Variants in AGMO observed in about 807,000 individuals in gnomAD.
AGMO encodes alkylglycerol monooxygenase, also known as glyceryl-ether monooxygenase.
Under a neutral mutation model 60.2 loss-of-function variants are expected in AGMO, and 75 were observed. The ratio of observed to expected loss-of-function variants is 1.25; its 90% CI spans 1.03 to 1.51. The LOEUF is 1.51. Among genes scored for constraint, AGMO ranks in the 40% most tolerant of loss-of-function variants. The pLI, the probability that AGMO is intolerant of heterozygous loss-of-function variation, is 0.00. For synonymous variants in AGMO, 261 were observed against 177.1 expected (o/e 1.47, Z -3.76); for missense variants, 763 against 525.5 (o/e 1.45, Z -4.42).
chr7:15,280,427 A>G (rs1192395926), intron 12 of AGMO, among the ~76,000 whole-genome samples: 1 of 152,194 alleles, frequency 6.6e-6, no homozygotes, highest in African/African-American at 2.4e-5. Context: ...CTCACACCAC[A>G]GGGGCCACAG....
At chr7:15,274,973 T>G (rs924473883) in intron 12 of AGMO, among the ~76,000 whole-genome samples, 2 of 152,026 alleles carry the variant, frequency 1.3e-5, no homozygotes, top group African/African-American at 4.8e-5. Context: ...TATCGATTTT[T>G]TTTTATCCTT....
chr7:15,150,675 T>C, the AGMO span, among the ~76,000 whole-genome samples: 1 of 152,166 alleles, frequency 6.6e-6, no homozygotes, highest in Non-Finnish European at 1.5e-5. Flanking sequence ...GTGAATTAGC[T>C]TTTTAATGTA....
intron 4 of AGMO, among the ~76,000 whole-genome samples, chr7:15,429,042 G>T (rs1057307258): frequency 6.6e-6 from 1 of 152,042 alleles, no homozygotes; most frequent in African/African-American, 2.4e-5. Flanking sequence ...CTGCTCTGAA[G>T]CCTTAATCCA....
the AGMO span, among the ~76,000 whole-genome samples, chr7:15,125,567 T>C: frequency 6.6e-6 from 1 of 152,144 alleles, no homozygotes; most frequent in Non-Finnish European, 1.5e-5. Context: ...TCTCTATTTT[T>C]TTAAACACTC....
intron 12 of AGMO, among the ~76,000 whole-genome samples, chr7:15,240,590 A>T (rs1782560000): frequency 1.3e-5 from 2 of 152,322 alleles, no homozygotes; most frequent in South Asian, 4.1e-4. Flanking sequence ...AAGGTTAAAA[A>T]GCAAAATCAA....
chr7:15,479,003 A>C (rs973348482), intron 3 of AGMO, among the ~76,000 whole-genome samples: 5 of 152,180 alleles, frequency 3.3e-5, no homozygotes, highest in African/African-American at 9.7e-5. Flanking sequence ...TAAACGAGCT[A>C]ATAAACATTG....
At chr7:15,455,221 G>C (rs976009120) in intron 3 of AGMO, among the ~76,000 whole-genome samples, 2 of 151,932 alleles carry the variant, frequency 1.3e-5, no homozygotes, top group African/African-American at 4.8e-5. Context: ...GCACTGCTGA[G>C]CTATGCAGCA....
At position 15,225,159 on chromosome 7, in the gene AGMO, G is replaced by C. The variant is rs560121385; in HGVS notation, c.1264-23800C>G. Among the ~76,000 whole-genome samples the C allele has an allele frequency of 3.4e-4, 52 of 151,420 alleles. 2 individuals carry two copies. The South Asian group carries it at 0.01, about 30-fold the overall frequency. On this transcript the variant is annotated intron_variant, in intron 12 of 12. Transcript: ENST00000342526. ...TGATACAGATTTTTATTTACCATCA[G>C]ACGAACATTTTTCCATGTGATTGCA...
intron 4 of AGMO, among the ~76,000 whole-genome samples, chr7:15,427,062 G>T (rs981986894): frequency 2.0e-5 from 3 of 152,048 alleles, no homozygotes; most frequent in African/African-American, 7.2e-5. Flanking sequence ...TGGGTTGAGG[G>T]ATAAAGAATG....
chr7:15,306,169 T>C (rs1220217213), intron 12 of AGMO: 2 of 189,370 alleles, frequency 1.1e-5, no homozygotes, highest in South Asian at 1.8e-4. Flanking sequence ...TCACATCACA[T>C]TGTACTCATC....
At chr7:15,481,893 A>G (rs1431520538) in intron 3 of AGMO, among the ~76,000 whole-genome samples, 1 of 151,682 alleles carries the variant, frequency 6.6e-6, no homozygotes, top group Non-Finnish European at 1.5e-5. Flanking sequence ...ACAGGAATCA[A>G]TAAGAAAAAT....
intron 12 of AGMO, among the ~76,000 whole-genome samples, chr7:15,245,009 A>G (rs1184519908): frequency 1.3e-5 from 2 of 152,238 alleles, no homozygotes; most frequent in East Asian, 1.9e-4. Context: ...GTATCTTGGA[A>G]AAAATACATA....
chr7:15,372,061 C>T (rs893524368), intron 10 of AGMO, among the ~76,000 whole-genome samples: 20 of 152,024 alleles, frequency 1.3e-4, no homozygotes, highest in African/African-American at 4.6e-4. Context: ...AACACATATG[C>T]TTAATTTAGG....
intron 3 of AGMO, among the ~76,000 whole-genome samples, chr7:15,435,091 G>A (rs1318336555): frequency 1.3e-5 from 2 of 151,878 alleles, no homozygotes; most frequent in Non-Finnish European, 2.9e-5. Context: ...CTATATCACA[G>A]TTTTGTTTTG....
At chr7:15,246,625 G>A (rs754200076) in intron 12 of AGMO, among the ~76,000 whole-genome samples, 1 of 152,072 alleles carries the variant, frequency 6.6e-6, no homozygotes, top group Non-Finnish European at 1.5e-5. Flanking sequence ...GGGGTCTTCA[G>A]TTGATGATTC....
chr7:15,551,016 C>A (rs867102387), intron 2 of AGMO, among the ~76,000 whole-genome samples: 8 of 144,970 alleles, frequency 5.5e-5, no homozygotes, highest in Non-Finnish European at 1.2e-4. Flanking sequence ...GTTCAATATA[C>A]GCAAATCAAT....
intron 2 of AGMO, among the ~76,000 whole-genome samples, chr7:15,547,115 C>T (rs1472901263): frequency 2.0e-5 from 3 of 149,884 alleles, no homozygotes; most frequent in African/African-American, 7.3e-5. Flanking sequence ...GTTTCAAGAG[C>T]CTTTCCTGTG....
chr7:15,279,212 G>A (rs946711878), intron 12 of AGMO, among the ~76,000 whole-genome samples: 3 of 151,766 alleles, frequency 2.0e-5, no homozygotes, highest in African/African-American at 7.3e-5. Flanking sequence ...TAGAACCCTG[G>A]GGTTCTCTCA....
intron 3 of AGMO, among the ~76,000 whole-genome samples, chr7:15,443,610 A>G (rs1781622828): frequency 6.6e-6 from 1 of 152,134 alleles, no homozygotes; most frequent in African/African-American, 2.4e-5. Flanking sequence ...TCAGTGAGCC[A>G]TATCTGTATA....
Sources: allele counts gnomAD v4.1 joint callset (sites outside exome capture counted in the v4.1 genomes callset), GRCh38; gene constraint gnomAD v4.1.1; transcripts MANE v1.5; gene names NCBI Gene and HGNC (gene_info 2026-07-23, HGNC 2026-07-21).